DTNA: variants seen among roughly 807,000 people sequenced by gnomAD.
DTNA encodes the protein dystrobrevin alpha, also known as dystrophin-related protein 3.
In DTNA, 43 loss-of-function variants were observed where a neutral mutation model predicts 100.7. That is an observed-to-expected ratio of 0.43 (90% CI 0.33 to 0.55). DTNA has a LOEUF of 0.55. Among genes scored for constraint, DTNA ranks in the 20% least tolerant of loss-of-function variants. The pLI is 0.04. For missense variants in DTNA, 798 were observed against 953.9 expected (o/e 0.84, Z 2.15); for synonymous variants, 349 against 347.9 (o/e 1.00, Z -0.04).
At chr18:34,824,213 C>T (rs997997326) in intron 9 of DTNA, among the ~76,000 whole-genome samples, 30 of 152,144 alleles carry the variant, frequency 2.0e-4, no homozygotes, top group Admixed American at 1.7e-3. Flanking sequence ...CAGTGGCTCA[C>T]GCCTGTAATC....
intron 3 of DTNA, among the ~76,000 whole-genome samples, chr18:34,777,068 C>G (rs556690429): frequency 4.3e-4 from 66 of 152,216 alleles, no homozygotes; most frequent in Non-Finnish European, 8.1e-4. Flanking sequence ...TCCAGTTCCC[C>G]TATCCGCCTT....
intron 1 of DTNA, among the ~76,000 whole-genome samples, chr18:34,517,467 G>A (rs996793667): frequency 1.3e-5 from 2 of 151,474 alleles, no homozygotes; most frequent in Non-Finnish European, 2.9e-5. Context: ...ACACGTGTGT[G>A]TGTGTGTGTG....
intron 1 of DTNA, among the ~76,000 whole-genome samples, chr18:34,697,144 C>T (rs1277509714): frequency 1.3e-5 from 2 of 152,156 alleles, no homozygotes; most frequent in Admixed American, 6.5e-5. Flanking sequence ...AACTCTGTAC[C>T]AGGTTCAATA....
intron 1 of DTNA, among the ~76,000 whole-genome samples, chr18:34,698,106 G>A (rs2080842147): frequency 6.6e-6 from 1 of 152,100 alleles, no homozygotes; most frequent in African/African-American, 2.4e-5. Flanking sequence ...CTCTTGTTGG[G>A]TCTTGCCTCT....
chr18:34,648,433 G>A (rs1205648910), intron 1 of DTNA, among the ~76,000 whole-genome samples: 1 of 152,148 alleles, frequency 6.6e-6, no homozygotes, highest in Non-Finnish European at 1.5e-5. Flanking sequence ...CATCCAAATA[G>A]GATACCTAAA....
intron 1 of DTNA, among the ~76,000 whole-genome samples, chr18:34,647,413 A>T (rs1007670918): frequency 1.6e-4 from 25 of 152,164 alleles, no homozygotes; most frequent in Non-Finnish European, 1.3e-4. Flanking sequence ...GAAAAATGGC[A>T]TAGAAAAAGG....
intron 1 of DTNA, among the ~76,000 whole-genome samples, chr18:34,734,549 C>T (rs35940287): frequency 0.075 from 11,345 of 152,168 alleles, 483 homozygotes; most frequent in African/African-American, 0.09. Flanking sequence ...TGTTTTTCCA[C>T]AATTTCAGCT....
chr18:34,826,465 A>G (rs1368014202), intron 9 of DTNA, among the ~76,000 whole-genome samples: 1 of 152,172 alleles, frequency 6.6e-6, no homozygotes, highest in Non-Finnish European at 1.5e-5. Context: ...TCCATTCAAT[A>G]CATTGGGATA....
chr18:34,743,877 A>G (rs1026123807), intron 1 of DTNA, among the ~76,000 whole-genome samples: 3 of 152,048 alleles, frequency 2.0e-5, no homozygotes, highest in African/African-American at 7.2e-5. Flanking sequence ...TCATATTGGC[A>G]TCCTCCCACC....
At chr18:34,615,043 A>G (rs1243396758) in intron 1 of DTNA, among the ~76,000 whole-genome samples, 1 of 152,164 alleles carries the variant, frequency 6.6e-6, no homozygotes, top group Non-Finnish European at 1.5e-5. Context: ...AAATACCTAA[A>G]GCTGGGTAAT....
Position 34,584,896 on chromosome 18 carries a change from G to A in DTNA, c.-2+91382G>A, listed in dbSNP as rs111967975. 2.9e-3 allele frequency among the ~76,000 whole-genome samples: 440 copies of A among 152,070 alleles called. 2 individuals are homozygous for A. Among genetic ancestry groups the A allele is most frequent in the African/African-American group, 7.3e-3 (304 of 41,486 alleles). On this transcript the variant is annotated intron_variant, in intron 1 of 19. Coordinates refer to the DTNA transcript ENST00000283365. ...GATAGAAAGTCAAATAAAATGAATC[G>A]GGAAACAAAATAACTTCTTAATAAC...
chr18:34,704,307 C>A (rs1203050095), intron 1 of DTNA, among the ~76,000 whole-genome samples: 1 of 152,252 alleles, frequency 6.6e-6, no homozygotes, highest in Non-Finnish European at 1.5e-5. Flanking sequence ...CACTCTGTCA[C>A]TCCTACATCT....
chr18:34,662,134 TG>T (rs1258092119), intron 1 of DTNA, among the ~76,000 whole-genome samples: 2 of 149,228 alleles, frequency 1.3e-5, no homozygotes, highest in African/African-American at 2.5e-5. Flanking sequence ...AACCGGTTGT[TG>T]TTTTTTTTTT....
At position 34,794,151 on chromosome 18, in the gene DTNA, T is replaced by C. The variant is rs1313077996; in HGVS notation, c.263T>C (p.Ile88Thr). 6.2e-7 allele frequency: 1 copy of C among 1,614,156 alleles called. No homozygotes were observed. The highest frequency in any genetic ancestry group is 1.1e-5 in the South Asian group (1 of 91,086). Reference sequence around the variant, plus strand: ...CGCTTAGAGGCTGTGCTCTCCACTATTTTTTACCAGCTCAACAAACGGATG... The same window carrying C: ...CGCTTAGAGGCTGTGCTCTCCACTACTTTTTACCAGCTCAACAAACGGATG... Reference protein sequence around the residue: ...VSRLEAVLSTIFYQLNKRMPT... With the variant: ...VSRLEAVLSTTFYQLNKRMPT... Residue 88 changes from isoleucine (I) to threonine (T), a missense_variant, in exon 4 of 23, where the codon ATT (isoleucine) becomes ACT (threonine). By Grantham distance (89) the Ile-to-Thr change is moderately conservative. Around this residue, in one of 6 missense-constraint regions of DTNA, gnomAD observed 197 missense variants for 215.4 expected, o/e 0.91. Transcript: ENST00000444659.
chr18:34,496,407 G>A (rs1601083519), intron 1 of DTNA, among the ~76,000 whole-genome samples: 1 of 152,142 alleles, frequency 6.6e-6, no homozygotes, highest in African/African-American at 2.4e-5. Flanking sequence ...CATAAATCCT[G>A]TGATACATAC....
chr18:34,862,140 A>AAAAAAAAAAAAAAAAG (rs1555881848), intron 16 of DTNA, among the ~76,000 whole-genome samples: 1 of 146,928 alleles, frequency 6.8e-6, no homozygotes, highest in Non-Finnish European at 1.5e-5. Context: ...AAAAAAAAAA[A>AAAAAAAAAAAAAAAAG]AAAGAGAAAG....
In DTNA at chr18:34,889,460, C is replaced by A. The variant is rs1456736966; in HGVS notation, c.*1726C>A. The stretch of plus-strand genomic sequence containing the variant: ...TCGTATAATAAAGTCTCTGAAAAGG[C>A]CTTATTCAGAATAAGCAAGAAAGGT... On this transcript the variant is annotated 3_prime_UTR_variant, in exon 23 of 23. Coordinates refer to ENST00000444659, the MANE Select transcript of DTNA (RefSeq NM_001386795.1). 3 of 985,256 alleles carry A rather than the reference C, an allele frequency of 3.0e-6. No individual in the cohort carries two copies. The African/African-American group carries it at 5.2e-5, about 17-fold the overall frequency. 61.0% of individuals were successfully genotyped at this position (985,256 alleles called of 1,614,324 possible).
intron 17 of DTNA, chr18:34,867,154 A>C: frequency 8.1e-7 from 1 of 1,231,330 alleles, no homozygotes; most frequent in Non-Finnish European, 1.0e-6. Flanking sequence ...AACCTGTCCA[A>C]TTTCAACGTA....
chr18:34,727,084 G>A (rs1242976668), intron 1 of DTNA, among the ~76,000 whole-genome samples: 1 of 152,186 alleles, frequency 6.6e-6, no homozygotes, highest in Non-Finnish European at 1.5e-5. Context: ...CTCAGAAGCG[G>A]CAGCCTGAGC....
Sources: gnomAD v4.1 joint callset for allele counts (sites outside exome capture counted in the v4.1 genomes callset) on GRCh38, gnomAD v4.1.1 for gene constraint, gnomAD v4.1.1 regional missense constraint, MANE v1.5 for transcripts, NCBI Gene and HGNC (gene_info 2026-07-23, HGNC 2026-07-21) for gene names.